The following USP24 variants were observed in gnomAD, a reference collection of about 807,000 sequenced individuals.
USP24 encodes ubiquitin specific peptidase 24.
Under a neutral mutation model 361.6 loss-of-function variants are expected in USP24, and 97 were observed. The ratio of observed to expected loss-of-function variants is 0.27; its 90% CI spans 0.23 to 0.32. The LOEUF (loss-of-function observed/expected upper bound fraction) is 0.32, where lower values mean the gene tolerates loss of function less well. Among genes scored for constraint, USP24 ranks in the 10% least tolerant of loss-of-function variants. The pLI is 1.00. For synonymous variants in USP24, 1,098 were observed against 1,124.6 expected (o/e 0.98, Z 0.47); for missense variants, 2,353 against 3,165.6 (o/e 0.74, Z 6.16).
chr1:55,086,417 C>G, intron 55 of USP24: 1 of 210,760 alleles, frequency 4.7e-6, no homozygotes, highest in Non-Finnish European at 9.8e-6. Context: ...ACAGAGCAAA[C>G]AGTCTACTCC....
At chr1:55,211,047 T>C (rs1644835016) in intron 1 of USP24, among the ~76,000 whole-genome samples, 1 of 152,236 alleles carries the variant, frequency 6.6e-6, no homozygotes, top group South Asian at 2.1e-4. Flanking sequence ...TTCTGTGAGA[T>C]GCACAGGATA....
At chr1:55,198,210 C>T (rs1644469412) in intron 1 of USP24, among the ~76,000 whole-genome samples, 1 of 151,982 alleles carries the variant, frequency 6.6e-6, no homozygotes, top group African/African-American at 2.4e-5. Flanking sequence ...TCAAATACCT[C>T]ACTTCAAGCA....
intron 1 of USP24, among the ~76,000 whole-genome samples, chr1:55,211,509 A>C (rs1198892176): frequency 6.6e-6 from 1 of 152,224 alleles, no homozygotes; most frequent in African/African-American, 2.4e-5. Flanking sequence ...TTTTATCTGC[A>C]TTCTCCTTGC....
chr1:55,087,017 C>T (rs1241169686), intron 55 of USP24, among the ~76,000 whole-genome samples: 1 of 152,108 alleles, frequency 6.6e-6, no homozygotes, highest in Non-Finnish European at 1.5e-5. Context: ...AATTTTTTTA[C>T]AATTATAATT....
chr1:55,116,290 G>A (rs1420339213), intron 38 of USP24, among the ~76,000 whole-genome samples: 1 of 150,160 alleles, frequency 6.7e-6, no homozygotes, highest in Non-Finnish European at 1.5e-5. Flanking sequence ...TAAAAGGAAA[G>A]AAATAACAAA....
chr1:55,107,854 A>C (rs1475745018), intron 39 of USP24, among the ~76,000 whole-genome samples: 1 of 148,714 alleles, frequency 6.7e-6, no homozygotes, highest in African/African-American at 2.5e-5. Flanking sequence ...AAAAAAAAAA[A>C]AAAAAAAAAA....
At chr1:55,130,859 C>G (rs891467468) in intron 31 of USP24, among the ~76,000 whole-genome samples, 3 of 152,236 alleles carry the variant, frequency 2.0e-5, no homozygotes, top group South Asian at 2.1e-4. Context: ...TTTTAGCTGA[C>G]AGCAAAATAA....
rs1646925591 is a variant in USP24, at chr1:55,142,780, G to A, written c.2596C>T (p.His866Tyr). Residue 866 changes from histidine (H) to tyrosine (Y), a missense_variant, in exon 23 of 68, where the codon CAT becomes TAT. Around this residue, in one of 8 missense-constraint regions of USP24, gnomAD observed 949 missense variants for 1,280.5 expected, o/e 0.74. Coordinates refer to ENST00000294383, the MANE Select transcript of USP24 (RefSeq NM_015306.3). ...TAGCAATCAGCAATGAATTTCTTAT[G>A]TAAAGATACTGAATCCTGAAAGAGT... Reference protein sequence around the residue: ...PRLKKDSVSLHKKFIADCYTR... With the variant: ...PRLKKDSVSLYKKFIADCYTR... 2.6e-6 allele frequency: 4 copies of A among 1,551,702 alleles called. No homozygotes were observed. Among genetic ancestry groups the A allele is most frequent in the Non-Finnish European group, 2.6e-6 (3 of 1,145,488 alleles).
At chr1:55,088,994 C>T (rs535217212) in intron 55 of USP24, among the ~76,000 whole-genome samples, 4 of 151,622 alleles carry the variant, frequency 2.6e-5, no homozygotes, top group Admixed American at 6.6e-5. Flanking sequence ...CTCACTGCAA[C>T]CTCTGCCTCC....
chr1:55,159,030 C>T lies in USP24; in HGVS notation c.1075G>A (p.Val359Ile). Residue 359 changes from valine to isoleucine, a missense_variant, in exon 10 of 68, where the codon GTT becomes ATT. By Grantham distance (29) the Val-to-Ile change is conservative. Around this residue, in one of 8 missense-constraint regions of USP24, gnomAD observed 386 missense variants for 560.5 expected, o/e 0.69. Transcript: ENST00000294383. ...EEKDLKDKRL[V>I]SIPELLSAVK... is the part of the protein sequence containing the mutation. ...GCAGACAAGAGCTCAGGGATGCTAA[C>T]CAATCTCTTTTATTGAATAAAAACA... 1 of 1,518,310 alleles carries T rather than the reference C, an allele frequency of 6.6e-7. No individual in the cohort carries two copies. Among genetic ancestry groups the T allele is most frequent in the Non-Finnish European group, 8.8e-7 (1 of 1,132,180 alleles). 94.1% of individuals were successfully genotyped at this position (1,518,310 alleles called of 1,614,324 possible). A position where few individuals can be genotyped will look rare whatever the true frequency, so the allele number is the denominator to read the frequency against.
At position 55,214,867 on chromosome 1, in the gene USP24, GGCCGCCGCCGCCGCCGTCACCTCC is replaced by G. The variant is rs1408391903; in HGVS notation, c.223_246del (p.Gly75_Gly82del). The G allele has an allele frequency of 1.5e-5, 18 of 1,220,346 alleles. No homozygotes were observed. Among genetic ancestry groups the G allele is most frequent in the Admixed American group, 4.4e-5 (1 of 22,510 alleles). The allele number at this position is 1,220,346 out of a possible 1,614,324, so 75.6% of individuals were successfully genotyped here. The stretch of plus-strand genomic sequence containing the variant: ...CCTCCGGTGCTCCCGCCGCGGGAGG[GGCCGCCGCCGCCGCCGTCACCTCC>G]GCCGTCGCCCCGCGGGCCCCCGCCG... On this transcript the variant is annotated inframe_deletion, in exon 1 of 68. Coordinates refer to ENST00000294383, the MANE Select transcript of USP24 (RefSeq NM_015306.3).
At chr1:55,071,496 A>G in intron 67 of USP24, 1 of 1,083,520 alleles carries the variant, frequency 9.2e-7, no homozygotes, top group Admixed American at 4.6e-5. Context: ...GTAACCTGGC[A>G]AGGCAGAATA....
In USP24 at chr1:55,124,551, A is replaced by C. The variant is rs374412328; in HGVS notation, c.4038T>G (p.Leu1346=). Residue 1346 remains leucine, a synonymous_variant, in exon 35 of 68, where the codon CTT becomes CTG. Coordinates refer to ENST00000294383, the MANE Select transcript of USP24 (RefSeq NM_015306.3). ...TTGGCTGGCTACTCCCAACAAGATCAAGCCGTCCTGCAGCCGCAGCCCATG... is the reference window on the plus strand; with the variant it reads ...TTGGCTGGCTACTCCCAACAAGATCCAGCCGTCCTGCAGCCGCAGCCCATG... ...RLSWAAAAGR[L]DLVGSSQPIK... 2.7e-4 allele frequency: 428 copies of C among 1,613,968 alleles called. No homozygotes were observed. In the African/African-American group the frequency reaches 5.1e-3, roughly 19 times the overall value.
chr1:55,198,332 C>T (rs1644473337), intron 1 of USP24, among the ~76,000 whole-genome samples: 2 of 152,000 alleles, frequency 1.3e-5, no homozygotes, highest in African/African-American at 4.8e-5. Flanking sequence ...GCAGTATGTT[C>T]TAATCTGTCT....
chr1:55,154,711 T>C lies in USP24; in HGVS notation c.1514A>G (p.Asn505Ser). Residue 505 changes from asparagine (N) to serine (S), a missense_variant, in exon 13 of 68, where the codon AAT becomes AGT. This residue lies in a region of USP24 where 386 missense variants were observed against 560.5 expected (regional missense o/e 0.69). Transcript: ENST00000294383. ...AAACAAATGATTAAGCTGATCTGAA[T>C]TAAATTTCACAGCCGCTGCAGCAAT... ...TIIAAAAVKF[N>S]SDQLNHLFVL... The C allele has an allele frequency of 1.2e-6, 2 of 1,613,510 alleles. No individual in the cohort carries two copies. The highest frequency in any genetic ancestry group is 1.7e-6 in the Non-Finnish European group (2 of 1,179,626).
chr1:55,081,943 G>A (rs1645156953), intron 58 of USP24, among the ~76,000 whole-genome samples: 1 of 152,226 alleles, frequency 6.6e-6, no homozygotes, highest in African/African-American at 2.4e-5. Context: ...CTGAATTATA[G>A]TGAATTTAAA....
rs983760915 is a variant in USP24 at position 55,159,103 on chromosome 1, A to T, written c.1069-67T>A. On this transcript the variant is annotated intron_variant, in intron 9 of 67. Transcript: ENST00000294383. The stretch of plus-strand genomic sequence containing the variant: ...AAAACATTTTGATCCCAATTCTTAT[A>T]ACATACACAAGAATATAGGGTAACA... 3 of 1,283,324 alleles carry T rather than the reference A, an allele frequency of 2.3e-6. No individual in the cohort carries two copies. The African/African-American group carries it at 4.6e-5, about 20-fold the overall frequency. 79.5% of individuals were successfully genotyped at this position (1,283,324 alleles called of 1,614,324 possible). A position where few individuals can be genotyped will look rare whatever the true frequency, so the allele number is the denominator to read the frequency against.
chr1:55,152,043 G>C, intron 16 of USP24: 1 of 967,162 alleles, frequency 1.0e-6, no homozygotes, highest in Non-Finnish European at 1.2e-6. Context: ...CCCCTGCCTG[G>C]AGCCATATCC....
chr1:55,099,652 T>C (rs1057177321), intron 45 of USP24, 119 bp downstream of exon 45: 4 of 699,514 alleles, frequency 5.7e-6, no homozygotes, highest in African/African-American at 3.6e-5. Flanking sequence ...ATAGTTCTTA[T>C]GTTAAAGATA....
Sources: allele counts gnomAD v4.1 joint callset (sites outside exome capture counted in the v4.1 genomes callset), GRCh38; gene constraint gnomAD v4.1.1; regional missense constraint gnomAD v4.1.1; transcripts MANE v1.5; gene names NCBI Gene and HGNC (gene_info 2026-07-23, HGNC 2026-07-21).